The following PDE8B variants were observed in gnomAD, a reference collection of about 807,000 sequenced individuals.
The protein encoded by PDE8B is high affinity cAMP-specific and IBMX-insensitive 3',5'-cyclic phosphodiesterase 8B.
In PDE8B, 26 loss-of-function variants were observed where a neutral mutation model predicts 101.3. The observed-to-expected ratio is 0.26, with a 90% CI of 0.19 to 0.36. The LOEUF (loss-of-function observed/expected upper bound fraction) is 0.36. PDE8B is among the 10% of genes least tolerant of loss of function. The pLI, the probability that PDE8B is intolerant of heterozygous loss-of-function variation, is 1.00. For missense variants in PDE8B, 810 were observed against 1,163.1 expected (o/e 0.70, Z 4.42); for synonymous variants, 424 against 429.3 (o/e 0.99, Z 0.15).
intron 1 of PDE8B, 96 bp from the exon 2 acceptor site, chr5:77,311,898 C>A: frequency 1.0e-6 from 1 of 954,506 alleles, no homozygotes; most frequent in South Asian, 1.3e-5. Context: ...CAATTTAGTG[C>A]ACACGGTGGC....
intron 1 of PDE8B, among the ~76,000 whole-genome samples, chr5:77,306,076 T>A (rs910900819): frequency 1.3e-5 from 2 of 152,114 alleles, no homozygotes; most frequent in Admixed American, 6.5e-5. Flanking sequence ...ATACCCTTTT[T>A]CTTCTTGGTG....
At chr5:77,282,482 CATG>C (rs1216137276) in intron 1 of PDE8B, among the ~76,000 whole-genome samples, 5 of 152,134 alleles carry the variant, frequency 3.3e-5, no homozygotes, top group Non-Finnish European at 5.9e-5. Context: ...CTGATCCTGT[CATG>C]ATATGTCATT....
intron 6 of PDE8B, among the ~76,000 whole-genome samples, chr5:77,344,280 T>G (rs746780971): frequency 6.6e-6 from 1 of 152,196 alleles, no homozygotes; most frequent in Non-Finnish European, 1.5e-5. Flanking sequence ...TACACCAACA[T>G]CATCACGGAC....
At position 77,354,849 on chromosome 5, in the gene PDE8B, C is replaced by T. The variant is rs1016093645; in HGVS notation, c.1167+1443C>T. Among the ~76,000 whole-genome samples, 8 of 152,232 alleles carry T rather than the reference C, an allele frequency of 5.3e-5. No homozygotes were observed. The East Asian group carries it at 1.5e-3, about 29-fold the overall frequency. ...ATGTGCCCAAGTCCTACCAGTCCTT[C>T]ATGACCCAGTGCAAGAAACATTAAG... On this transcript the variant is annotated intron_variant, in intron 10 of 21. Transcript: ENST00000264917.
chr5:77,405,212 A>G (rs1047714082), intron 12 of PDE8B, among the ~76,000 whole-genome samples: 1 of 152,254 alleles, frequency 6.6e-6, no homozygotes, highest in African/African-American at 2.4e-5. Flanking sequence ...TCACAGAGAA[A>G]TCGTGAGGCA....
chr5:77,341,861 CA>C (rs1202971647), intron 6 of PDE8B, among the ~76,000 whole-genome samples: 2 of 152,162 alleles, frequency 1.3e-5, no homozygotes, highest in African/African-American at 4.8e-5. Context: ...GTATACAGTT[CA>C]AATTAGGTAG....
intron 1 of PDE8B, among the ~76,000 whole-genome samples, chr5:77,285,491 G>T (rs1765819368): frequency 6.6e-6 from 1 of 152,042 alleles, no homozygotes. Flanking sequence ...CTGAATCATT[G>T]TCCCACTGTG....
At chr5:77,374,064 G>A (rs1785596429) in intron 10 of PDE8B, among the ~76,000 whole-genome samples, 1 of 152,094 alleles carries the variant, frequency 6.6e-6, no homozygotes, top group South Asian at 2.1e-4. Context: ...TGGTCAGTCT[G>A]GTCTCGAACT....
chr5:77,107,362 C>T, the PDE8B span, among the ~76,000 whole-genome samples: 1 of 152,132 alleles, frequency 6.6e-6, no homozygotes, highest in African/African-American at 2.4e-5. Context: ...TATACATTCA[C>T]CTTGTATCGT....
chr5:77,125,551 G>C, the PDE8B span, among the ~76,000 whole-genome samples: 1 of 152,124 alleles, frequency 6.6e-6, no homozygotes, highest in African/African-American at 2.4e-5. Context: ...AAGCCAAAAG[G>C]CATAAACAAT....
chr5:77,341,590 G>A (rs566099411), intron 6 of PDE8B, among the ~76,000 whole-genome samples: 69 of 152,266 alleles, frequency 4.5e-4, no homozygotes, highest in African/African-American at 1.6e-3. Flanking sequence ...TAATTATCCA[G>A]CTCTCAAAAT....
chr5:77,190,752 G>A, the PDE8B span, among the ~76,000 whole-genome samples: 2 of 152,176 alleles, frequency 1.3e-5, no homozygotes, highest in South Asian at 2.1e-4. Context: ...ACTGTTGGCC[G>A]AGGCCTTCCC....
chr5:77,272,171 A>G (rs1762940854), intron 1 of PDE8B, among the ~76,000 whole-genome samples: 1 of 152,180 alleles, frequency 6.6e-6, no homozygotes, highest in Non-Finnish European at 1.5e-5. Context: ...GCTTGAGGGT[A>G]GAGGGGAACA....
intron 1 of PDE8B, among the ~76,000 whole-genome samples, chr5:77,294,536 A>G (rs1447333118): frequency 6.6e-6 from 1 of 152,196 alleles, no homozygotes; most frequent in Non-Finnish European, 1.5e-5. Context: ...AGAAATTAAG[A>G]AAATGATTAA....
chr5:77,147,974 G>GA, the PDE8B span: 1 of 152,150 alleles, frequency 6.6e-6, no homozygotes, highest in South Asian at 2.1e-4. Context: ...CAGAAAAACT[G>GA]AAAGAGAATT....
intron 10 of PDE8B, among the ~76,000 whole-genome samples, chr5:77,386,860 A>C (rs1454580750): frequency 9.6e-6 from 1 of 104,376 alleles, no homozygotes; most frequent in South Asian, 3.3e-4. Context: ...TAGTTGATGT[A>C]GTTTCTTTTT....
chr5:77,258,588 G>A, intron 1 of PDE8B, among the ~76,000 whole-genome samples: 1 of 152,194 alleles, frequency 6.6e-6, no homozygotes, highest in Non-Finnish European at 1.5e-5. Context: ...GGACCTGATA[G>A]GATACCATCA....
intron 1 of PDE8B, among the ~76,000 whole-genome samples, chr5:77,304,875 G>T (rs13182285): frequency 6.6e-6 from 1 of 151,982 alleles, no homozygotes; most frequent in African/African-American, 2.4e-5. Context: ...TGTGTTTTTC[G>T]TGGAGCTATC....
intron 10 of PDE8B, among the ~76,000 whole-genome samples, chr5:77,386,183 T>C (rs927288325): frequency 6.6e-6 from 1 of 152,208 alleles, no homozygotes; most frequent in African/African-American, 2.4e-5. Flanking sequence ...TGCTGAGGAA[T>C]GTTTTACTTC....
Sources: allele counts gnomAD v4.1 joint callset (sites outside exome capture counted in the v4.1 genomes callset), GRCh38; gene constraint gnomAD v4.1.1; transcripts MANE v1.5; gene names NCBI Gene and HGNC (gene_info 2026-07-23, HGNC 2026-07-21).